NCAM2: variants seen among roughly 807,000 people sequenced by gnomAD.
NCAM2 encodes N-CAM-2.
NCAM2 carries 30 observed loss-of-function variants against 98.1 expected under a neutral mutation model. That is an observed-to-expected ratio of 0.31 (90% confidence interval 0.23 to 0.41). The LOEUF is 0.41. Among genes scored for constraint, NCAM2 ranks in the 10% least tolerant of loss-of-function variants. The probability of loss-of-function intolerance (pLI) is 1.00; values close to 1 mark genes in which losing one functional copy is unlikely to be tolerated. For synonymous variants in NCAM2, 368 were observed against 342.4 expected (o/e 1.07, Z -0.83); for missense variants, 867 against 1,005.8 (o/e 0.86, Z 1.87).
intron 1 of NCAM2, among the ~76,000 whole-genome samples, chr21:21,267,358 T>G (rs1354154014): frequency 2.6e-5 from 4 of 152,184 alleles, no homozygotes; most frequent in African/African-American, 9.6e-5. Context: ...AATAAAACTT[T>G]AAATTTTGCA....
At chr21:21,483,857 G>T (rs959527971) in intron 15 of NCAM2, among the ~76,000 whole-genome samples, 3 of 152,044 alleles carry the variant, frequency 2.0e-5, no homozygotes, top group Non-Finnish European at 4.4e-5. Flanking sequence ...ATGGCCAATA[G>T]GTTAATGCTT....
intron 1 of NCAM2, among the ~76,000 whole-genome samples, chr21:21,108,023 T>A (rs2066384735): frequency 6.6e-6 from 1 of 152,108 alleles, no homozygotes; most frequent in Non-Finnish European, 1.5e-5. Context: ...TTTCACACGA[T>A]AAGCAGGTAT....
chr21:21,220,082 T>TA (rs1195368364), intron 1 of NCAM2, among the ~76,000 whole-genome samples: 24 of 151,844 alleles, frequency 1.6e-4, no homozygotes, highest in Non-Finnish European at 2.9e-4. Context: ...CTTTATAAAG[T>TA]AAAAAAAGTT....
intron 9 of NCAM2, among the ~76,000 whole-genome samples, chr21:21,378,444 A>G (rs1159193769): frequency 6.6e-6 from 1 of 152,030 alleles, no homozygotes; most frequent in Non-Finnish European, 1.5e-5. Flanking sequence ...GCACTTTTTT[A>G]GGTACTTGTT....
chr21:21,384,811 A>C (rs1371454456), intron 9 of NCAM2, among the ~76,000 whole-genome samples: 2 of 152,100 alleles, frequency 1.3e-5, no homozygotes, highest in African/African-American at 2.4e-5. Flanking sequence ...TCTTAATATT[A>C]ATTTCATTAG....
intron 1 of NCAM2, among the ~76,000 whole-genome samples, chr21:21,111,805 A>G (rs920604780): frequency 6.6e-6 from 1 of 152,158 alleles, no homozygotes; most frequent in African/African-American, 2.4e-5. Flanking sequence ...GGGAGAAGAC[A>G]TGGAACATTC....
At chr21:21,130,461 T>C (rs1050788117) in intron 1 of NCAM2, among the ~76,000 whole-genome samples, 4 of 152,144 alleles carry the variant, frequency 2.6e-5, no homozygotes, top group African/African-American at 9.7e-5. Context: ...TCCCAAACTT[T>C]TATTTGACTG....
At chr21:21,074,961 G>T (rs2065649102) in intron 1 of NCAM2, among the ~76,000 whole-genome samples, 1 of 152,080 alleles carries the variant, frequency 6.6e-6, no homozygotes, top group African/African-American at 2.4e-5. Flanking sequence ...TGATAAAGAG[G>T]ATAAAGAAAA....
In NCAM2 at chr21:21,187,162, T is replaced by C. The variant is rs1638425223; in HGVS notation, c.56-93416T>C. 2.0e-5 allele frequency among the ~76,000 whole-genome samples: 3 copies of C among 152,010 alleles called. No individual in the cohort carries two copies. In the South Asian group the frequency reaches 6.2e-4, roughly 32 times the overall value. On this transcript the variant is annotated intron_variant, in intron 1 of 17. Coordinates refer to ENST00000400546, the MANE Select transcript of NCAM2 (RefSeq NM_004540.5). ...TCCCTTGAACCTGGGAGGCGGAGGT[T>C]GCAGTGAGCCAAGATAGCGTCACTG... is the stretch of plus-strand genomic sequence containing the variant.
intron 8 of NCAM2, among the ~76,000 whole-genome samples, chr21:21,359,960 G>A (rs1271199821): frequency 2.0e-5 from 3 of 151,824 alleles, no homozygotes; most frequent in Non-Finnish European, 4.4e-5. Context: ...GTACAGCAAT[G>A]CATTTTGGTT....
rs867746625 is a variant in NCAM2, at chr21:21,224,807, A to G, written c.56-55771A>G. On this transcript the variant is annotated intron_variant, in intron 1 of 17. Transcript: ENST00000400546. Reference sequence around the variant, plus strand: ...TAGCATTCCTCTTAGCAATTGTAAAACCATTAAAACCAATGATGAAATAGA... The same window carrying G: ...TAGCATTCCTCTTAGCAATTGTAAAGCCATTAAAACCAATGATGAAATAGA... Among the ~76,000 whole-genome samples, 55 of 152,196 alleles carry G rather than the reference A, an allele frequency of 3.6e-4. 1 individual carries two copies. In the South Asian group the frequency reaches 6.0e-3, roughly 17 times the overall value.
chr21:21,302,330 G>A (rs1046850938), intron 5 of NCAM2, among the ~76,000 whole-genome samples: 8 of 152,100 alleles, frequency 5.3e-5, no homozygotes, highest in South Asian at 2.1e-4. Flanking sequence ...AATCTTCTGC[G>A]TATGACCAGC....
chr21:21,335,503 A>T lies in NCAM2; in HGVS notation c.738-2A>T, dbSNP rs1442076522. 1.3e-6 allele frequency: 2 copies of T among 1,577,930 alleles called. No individual in the cohort carries two copies. The highest frequency in any genetic ancestry group is 1.9e-5 in the Admixed American group (1 of 52,094). On this transcript the variant is annotated splice_acceptor_variant, in intron 6 of 17. Transcript: ENST00000400546. LOFTEE classifies it high-confidence loss of function. ...AGGATGAACCTCTTTTTTCTTCTTT[A>T]GGAATGGCAAGCTCATTGAAGAAAA... is the stretch of plus-strand genomic sequence containing the variant.
intron 1 of NCAM2, among the ~76,000 whole-genome samples, chr21:21,195,325 T>C (rs1187506026): frequency 6.6e-6 from 1 of 152,170 alleles, no homozygotes; most frequent in Non-Finnish European, 1.5e-5. Flanking sequence ...TGTTTACAAC[T>C]TTCAGTAAAA....
chr21:21,308,480 C>CAG (rs1396283191), intron 5 of NCAM2, among the ~76,000 whole-genome samples: 1 of 151,978 alleles, frequency 6.6e-6, no homozygotes, highest in African/African-American at 2.4e-5. Context: ...GATACAAACT[C>CAG]CTCTGACATT....
chr21:21,345,447 C>G (rs572806844), intron 8 of NCAM2, among the ~76,000 whole-genome samples: 13 of 152,080 alleles, frequency 8.5e-5, no homozygotes, highest in South Asian at 4.1e-4. Context: ...TACAACGAAT[C>G]AAGTAGAAAT....
At chr21:21,090,863 C>T (rs1029475102) in intron 1 of NCAM2, among the ~76,000 whole-genome samples, 5 of 152,146 alleles carry the variant, frequency 3.3e-5, no homozygotes, top group African/African-American at 1.2e-4. Context: ...ATCTGTTTCT[C>T]AAATGTCATT....
chr21:21,212,138 A>C (rs1006303071), intron 1 of NCAM2, among the ~76,000 whole-genome samples: 13 of 152,236 alleles, frequency 8.5e-5, no homozygotes, highest in African/African-American at 2.4e-4. Flanking sequence ...TGTAATAGCC[A>C]AAAACCGGAA....
At chr21:21,367,289 A>G (rs144441079) in intron 8 of NCAM2, among the ~76,000 whole-genome samples, 180 of 152,044 alleles carry the variant, frequency 1.2e-3, no homozygotes, top group African/African-American at 4.2e-3. Context: ...ACATCGATAT[A>G]TTACATGCTG....
Sources: gnomAD v4.1 joint callset for allele counts (sites outside exome capture counted in the v4.1 genomes callset) on GRCh38, gnomAD v4.1.1 for gene constraint, MANE v1.5 for transcripts, NCBI Gene and HGNC (gene_info 2026-07-23, HGNC 2026-07-21) for gene names.